The following SPAG16 variants were observed in gnomAD, a reference collection of about 807,000 sequenced individuals.
The protein encoded by SPAG16 is sperm associated antigen 16, also known as sperm-associated antigen 16 protein.
In SPAG16, 86 loss-of-function variants were observed where a neutral mutation model predicts 80.4. The observed-to-expected ratio is 1.07, with a 90% CI of 0.90 to 1.28. The LOEUF is 1.28. Among genes scored for constraint, SPAG16 ranks in the 50% most tolerant of loss-of-function variants. The pLI, the probability that SPAG16 is intolerant of heterozygous loss-of-function variation, is 0.00. For synonymous variants in SPAG16, 294 were observed against 265.9 expected (o/e 1.11, Z -1.03); for missense variants, 870 against 765.3 (o/e 1.14, Z -1.61).
chr2:214,094,747 C>T (rs1433205039), intron 13 of SPAG16, among the ~76,000 whole-genome samples: 1 of 151,978 alleles, frequency 6.6e-6, no homozygotes, highest in Non-Finnish European at 1.5e-5. Flanking sequence ...GGAATGTATA[C>T]AGTTGTTATT....
At chr2:214,111,557 G>T (rs1456791013) in intron 14 of SPAG16, among the ~76,000 whole-genome samples, 1 of 152,190 alleles carries the variant, frequency 6.6e-6, no homozygotes, top group East Asian at 1.9e-4. Context: ...TTTGAAGTCA[G>T]GTAGCGTGAT....
intron 10 of SPAG16, among the ~76,000 whole-genome samples, chr2:213,680,021 C>G (rs1275089923): frequency 6.6e-6 from 1 of 152,070 alleles, no homozygotes. Flanking sequence ...TATACACACT[C>G]CTAGCACAGG....
At chr2:214,226,042 C>T (rs904449888) in intron 15 of SPAG16, among the ~76,000 whole-genome samples, 6 of 152,252 alleles carry the variant, frequency 3.9e-5, no homozygotes, top group Admixed American at 6.6e-5. Flanking sequence ...TAAATGTAGG[C>T]TGGAGACAGA....
intron 10 of SPAG16, among the ~76,000 whole-genome samples, chr2:213,567,592 A>G (rs1283357823): frequency 6.6e-4 from 55 of 83,670 alleles, no homozygotes; most frequent in Non-Finnish European, 8.6e-4. Flanking sequence ...ATAGTATTCC[A>G]TGGTGTATAT....
chr2:213,880,518 T>C (rs766139680), intron 11 of SPAG16, among the ~76,000 whole-genome samples: 9 of 152,206 alleles, frequency 5.9e-5, no homozygotes, highest in Non-Finnish European at 1.3e-4. Context: ...ATTGCAATTG[T>C]TTTTGGCAAC....
intron 15 of SPAG16, among the ~76,000 whole-genome samples, chr2:214,282,005 T>C (rs1306834882): frequency 6.6e-6 from 1 of 152,182 alleles, no homozygotes; most frequent in Admixed American, 6.5e-5. Flanking sequence ...TAGAGAGGAT[T>C]GCAGTGGGTT....
intron 13 of SPAG16, among the ~76,000 whole-genome samples, chr2:214,092,497 A>G (rs894829564): frequency 7.2e-5 from 10 of 139,350 alleles, no homozygotes; most frequent in African/African-American, 2.7e-4. Flanking sequence ...TACTATGAAT[A>G]TATATATAAA....
intron 10 of SPAG16, among the ~76,000 whole-genome samples, chr2:213,588,529 G>A (rs1374800615): frequency 6.6e-6 from 1 of 150,448 alleles, no homozygotes; most frequent in African/African-American, 2.4e-5. Flanking sequence ...ATGGCCGGGC[G>A]CGGTGGCTCA....
intron 9 of SPAG16, among the ~76,000 whole-genome samples, chr2:213,428,766 G>T (rs2070103231): frequency 6.6e-6 from 1 of 152,110 alleles, no homozygotes; most frequent in Admixed American, 6.5e-5. Context: ...CCCTTTATTG[G>T]GTTGGGGAGT....
chr2:214,009,493 G>C (rs2047185315), intron 12 of SPAG16, among the ~76,000 whole-genome samples: 1 of 152,110 alleles, frequency 6.6e-6, no homozygotes, highest in Non-Finnish European at 1.5e-5. Context: ...TATTATAAGA[G>C]AAGTACAGAA....
At chr2:214,162,066 A>C (rs2056462817) in intron 15 of SPAG16, among the ~76,000 whole-genome samples, 2 of 151,958 alleles carry the variant, frequency 1.3e-5, no homozygotes, top group East Asian at 3.9e-4. Flanking sequence ...TTATCAGTCC[A>C]TTTTTCCTGC....
intron 15 of SPAG16, among the ~76,000 whole-genome samples, chr2:214,151,925 G>A (rs998087629): frequency 5.5e-4 from 83 of 152,236 alleles, no homozygotes; most frequent in African/African-American, 1.9e-3. Context: ...ACTTTAAGTG[G>A]CCATTACATA....
chr2:214,235,025 TC>T (rs1688980057), intron 15 of SPAG16, among the ~76,000 whole-genome samples: 2 of 152,180 alleles, frequency 1.3e-5, no homozygotes, highest in African/African-American at 4.8e-5. Flanking sequence ...AAAGATTCTT[TC>T]AAATTATGAC....
At chr2:213,896,173 T>C (rs924595752) in intron 11 of SPAG16, among the ~76,000 whole-genome samples, 1 of 151,880 alleles carries the variant, frequency 6.6e-6, no homozygotes, top group African/African-American at 2.4e-5. Flanking sequence ...GACATACATA[T>C]GGCCAAAAGG....
chr2:213,947,988 C>A (rs1411933662), intron 12 of SPAG16, among the ~76,000 whole-genome samples: 1 of 152,098 alleles, frequency 6.6e-6, no homozygotes, highest in Non-Finnish European at 1.5e-5. Flanking sequence ...CCTGACTTTG[C>A]TGATCATCAA....
At position 213,291,319 on chromosome 2, in the gene SPAG16, A is replaced by G. The variant is rs561751961; in HGVS notation, c.137-4745A>G. ...TGTCCCTACTGCCAGCTAGCTAGCC[A>G]GGTAAACAGATGCGTACAAACATAA... On this transcript the variant is annotated intron_variant, in intron 1 of 15. Coordinates refer to ENST00000331683, the MANE Select transcript of SPAG16 (RefSeq NM_024532.5). Among the ~76,000 whole-genome samples, 7 of 152,364 alleles carry G rather than the reference A, an allele frequency of 4.6e-5. No homozygotes were observed. The South Asian group carries it at 8.3e-4, about 18-fold the overall frequency.
intron 10 of SPAG16, among the ~76,000 whole-genome samples, chr2:213,548,303 C>T (rs1363787663): frequency 1.3e-5 from 2 of 152,178 alleles, no homozygotes; most frequent in Non-Finnish European, 1.5e-5. Flanking sequence ...ACCTCTGCCT[C>T]CCAGGTTCAC....
chr2:214,307,930 C>A (rs1333209244), intron 15 of SPAG16, among the ~76,000 whole-genome samples: 1 of 152,066 alleles, frequency 6.6e-6, no homozygotes, highest in African/African-American at 2.4e-5. Flanking sequence ...GAGTTCAGTT[C>A]CTGAATATCT....
chr2:213,885,773 C>T (rs1285935539), intron 11 of SPAG16, among the ~76,000 whole-genome samples: 3 of 152,134 alleles, frequency 2.0e-5, no homozygotes, highest in African/African-American at 7.2e-5. Flanking sequence ...ATGGCTTAAT[C>T]TATGAGATAA....
Sources: gnomAD v4.1 joint callset for allele counts (sites outside exome capture counted in the v4.1 genomes callset) on GRCh38, gnomAD v4.1.1 for gene constraint, MANE v1.5 for transcripts, NCBI Gene and HGNC (gene_info 2026-07-23, HGNC 2026-07-21) for gene names.